The following SLC37A1 variants were observed in gnomAD, a reference collection of about 807,000 sequenced individuals.
SLC37A1 encodes glucose-6-phosphate exchanger SLC37A1.
Under a neutral mutation model 75.3 loss-of-function variants are expected in SLC37A1, and 49 were observed. That is an observed-to-expected ratio of 0.65 (90% CI 0.52 to 0.83). The LOEUF (loss-of-function observed/expected upper bound fraction) is 0.83. Among genes scored for constraint, SLC37A1 ranks in the 40% least tolerant of loss-of-function variants. The pLI, the probability that SLC37A1 is intolerant of heterozygous loss-of-function variation, is 0.00. For synonymous variants in SLC37A1, 268 were observed against 292.1 expected, an observed-to-expected ratio of 0.92 and a Z score of 0.84; for missense variants, 566 against 695.0, an observed-to-expected ratio of 0.81 and a Z score of 2.09.
chr21:42,525,015 C>T (rs1018488981), intron 2 of SLC37A1, among the ~76,000 whole-genome samples: 6 of 152,150 alleles, frequency 3.9e-5, no homozygotes, highest in South Asian at 2.1e-4. Flanking sequence ...GTGTTCTGCT[C>T]GATCGTGCCT....
chr21:42,562,233 C>T (rs1196530968), intron 12 of SLC37A1, 65 bp downstream of exon 12: 4 of 1,410,684 alleles, frequency 2.8e-6, no homozygotes, highest in Non-Finnish European at 4.0e-6. Context: ...TCTCTTCTGT[C>T]TGCTGGTTTC....
chr21:42,517,940 C>T (rs1223600449), intron 1 of SLC37A1, among the ~76,000 whole-genome samples: 1 of 152,214 alleles, frequency 6.6e-6, no homozygotes, highest in Non-Finnish European at 1.5e-5. Flanking sequence ...GGGCACATAG[C>T]GTGGCTGCTG....
At chr21:42,521,060 C>T (rs913967776) in intron 2 of SLC37A1, among the ~76,000 whole-genome samples, 11 of 152,206 alleles carry the variant, frequency 7.2e-5, no homozygotes, top group African/African-American at 2.4e-4. Context: ...GATGTGGAGC[C>T]GCTGCAGGGT....
rs7275792 is a variant in SLC37A1, at chr21:42,574,978, C to T, written c.1521+63C>T. 2.4e-4 allele frequency: 384 copies of T among 1,602,602 alleles called. 2 individuals are homozygous for T. In the African/African-American group the frequency reaches 4.6e-3, roughly 19 times the overall value. On this transcript the variant is annotated intron_variant, in intron 18 of 19. Transcript: ENST00000352133. ...GCAGATCTCTGTGGTTGTGTCCAAA[C>T]ACTGGTGGAACTTTCTCCCATGCAT...
intron 3 of SLC37A1, among the ~76,000 whole-genome samples, chr21:42,532,243 A>T (rs978597341): frequency 2.0e-5 from 3 of 152,246 alleles, no homozygotes; most frequent in Non-Finnish European, 4.4e-5. Context: ...AAAAAAAGGG[A>T]ACATTTCTAA....
rs1405536149 is a variant in SLC37A1, at chr21:42,530,648, A to C, written c.139-4050A>C. Among the ~76,000 whole-genome samples the C allele has an allele frequency of 5.5e-3, 151 of 27,622 alleles. 2 individuals are homozygous for C. Among genetic ancestry groups the C allele is most frequent in the Non-Finnish European group, 8.2e-3 (110 of 13,456 alleles). 18.1% of individuals were successfully genotyped at this position (27,622 alleles called of 152,430 possible). On this transcript the variant is annotated intron_variant, in intron 3 of 19. Transcript: ENST00000352133. ...CACACACACACACACACACACACACACACACACCCCCTCTGTGTTGGCTGA... is the reference window on the plus strand; with the variant it reads ...CACACACACACACACACACACACACCCACACACCCCCTCTGTGTTGGCTGA...
At chr21:42,579,505 G>A (rs1456057245) in intron 18 of SLC37A1, among the ~76,000 whole-genome samples, 1 of 152,272 alleles carries the variant, frequency 6.6e-6, no homozygotes, top group Non-Finnish European at 1.5e-5. Flanking sequence ...TTCTTCGTGG[G>A]CCTTCATCAG....
At position 42,543,549 on chromosome 21, in the gene SLC37A1, C is replaced by G; in HGVS notation, c.677C>G (p.Pro226Arg). The change falls in exon 8 of 20, where the codon CCT (proline) becomes CGT (arginine). Residue 226 changes from proline (P) to arginine (R), a missense_variant. Pro to Arg is a moderately radical substitution (Grantham distance 103, BLOSUM62 -2). Transcript: ENST00000352133. ...STCWGLSFVVPGAIVAAMGIV... is the reference protein window; with the variant it reads ...STCWGLSFVVRGAIVAAMGIV... Reference sequence around the variant, plus strand: ...TGCTGGGGCCTGTCCTTCGTCGTGCCTGGAGCCATCGTGGCAGCCATGGGG... The same window carrying G: ...TGCTGGGGCCTGTCCTTCGTCGTGCGTGGAGCCATCGTGGCAGCCATGGGG... 6.2e-7 allele frequency: 1 copy of G among 1,613,588 alleles called. No individual in the cohort carries two copies. The highest frequency in any genetic ancestry group is 8.5e-7 in the Non-Finnish European group (1 of 1,179,692).
intron 16 of SLC37A1, 103 bp downstream of exon 16, chr21:42,567,161 A>C: frequency 7.8e-7 from 1 of 1,289,594 alleles, no homozygotes; most frequent in Non-Finnish European, 1.1e-6. Flanking sequence ...CATTTGCAGA[A>C]GCACGTTTTT....
intron 2 of SLC37A1, chr21:42,502,563 A>T (rs1263240879): frequency 5.3e-5 from 8 of 152,200 alleles, no homozygotes; most frequent in Admixed American, 5.2e-4. Flanking sequence ...AACCCTTGTT[A>T]ATTATTTAGA....
At chr21:42,507,426 AT>A (rs2054394118) in intron 2 of SLC37A1, among the ~76,000 whole-genome samples, 1 of 152,176 alleles carries the variant, frequency 6.6e-6, no homozygotes, top group South Asian at 2.1e-4. Context: ...AGTAGGGTAG[AT>A]TAAGCTGATG....
At chr21:42,529,629 T>G (rs927460389) in intron 3 of SLC37A1, among the ~76,000 whole-genome samples, 40 of 152,072 alleles carry the variant, frequency 2.6e-4, no homozygotes, top group Non-Finnish European at 5.7e-4. Flanking sequence ...AGAAGAAAAT[T>G]ATGTTTATCG....
intron 2 of SLC37A1, among the ~76,000 whole-genome samples, chr21:42,521,896 A>G (rs2054659162): frequency 6.6e-6 from 1 of 152,254 alleles, no homozygotes; most frequent in Non-Finnish European, 1.5e-5. Context: ...TCTTGAAACA[A>G]CAGGAATTTA....
rs1161313598 is a variant in SLC37A1 at position 42,530,654 on chromosome 21, A to ACACACACACACCC, written c.139-4043_139-4042insACACACACACCCC. 1.0e-3 allele frequency among the ~76,000 whole-genome samples: 36 copies of ACACACACACACCC among 35,892 alleles called. 1 individual carries two copies. The highest frequency in any genetic ancestry group is 1.4e-3 in the Non-Finnish European group (26 of 19,102). The allele number at this position is 35,892 out of a possible 152,430, so 23.5% of individuals were successfully genotyped here. A position where few individuals can be genotyped will look rare whatever the true frequency, so the allele number is the denominator to read the frequency against. ...CACACACACACACACACACACACAC[A>ACACACACACACCC]CCCCCTCTGTGTTGGCTGAAGGTGG... On this transcript the variant is annotated intron_variant, in intron 3 of 19. Transcript: ENST00000352133.
chr21:42,531,073 C>T (rs1329828673), intron 3 of SLC37A1, among the ~76,000 whole-genome samples: 1 of 152,236 alleles, frequency 6.6e-6, no homozygotes, highest in African/African-American at 2.4e-5. Context: ...CTGCCTGCTG[C>T]TCCCCGGACG....
At chr21:42,499,795 C>T (rs1315967724) in intron 1 of SLC37A1, 1 of 152,276 alleles carries the variant, frequency 6.6e-6, no homozygotes, top group Non-Finnish European at 1.5e-5. Flanking sequence ...CGATCCATTT[C>T]CTTTTACCCA....
upstream of SLC37A1, among the ~76,000 whole-genome samples, chr21:42,510,342 A>T (rs755019348): frequency 2.0e-5 from 3 of 152,172 alleles, no homozygotes; most frequent in Non-Finnish European, 2.9e-5. Context: ...GTATTATATA[A>T]GCATCATAGT....
At chr21:42,525,908 T>C (rs756436672) in intron 3 of SLC37A1, 51 bp downstream of exon 3, 19 of 1,403,772 alleles carry the variant, frequency 1.4e-5, no homozygotes. Context: ...AGTTCGTCAC[T>C]TGAAAAGCTT....
intron 3 of SLC37A1, among the ~76,000 whole-genome samples, chr21:42,530,654 A>ACACACACACACACACACACCCCCC (rs1161313598): frequency 5.6e-5 from 2 of 35,880 alleles, no homozygotes; most frequent in Non-Finnish European, 1.0e-4. Flanking sequence ...ACACACACAC[A>ACACACACACACACACACACCCCCC]CCCCCTCTGT....
Sources: gnomAD v4.1 joint callset for allele counts (sites outside exome capture counted in the v4.1 genomes callset) on GRCh38, gnomAD v4.1.1 for gene constraint, MANE v1.5 for transcripts, NCBI Gene and HGNC (gene_info 2026-07-23, HGNC 2026-07-21) for gene names.